Variants in CATSPERB observed in about 807,000 individuals in gnomAD.
CATSPERB encodes the protein cation channel sperm-associated auxiliary subunit beta.
A neutral mutation model predicts 128.3 loss-of-function variants in CATSPERB; 93 were observed. The observed-to-expected ratio is 0.72, with a 90% CI of 0.61 to 0.86. CATSPERB has a LOEUF of 0.86. Among genes scored for constraint, CATSPERB ranks in the 40% least tolerant of loss-of-function variants. The pLI, the probability that CATSPERB is intolerant of heterozygous loss-of-function variation, is 0.00. For synonymous variants in CATSPERB, 381 were observed against 448.8 expected, an observed-to-expected ratio of 0.85 and a Z score of 1.91; for missense variants, 1,153 against 1,329.5, an observed-to-expected ratio of 0.87 and a Z score of 2.06.
rs1384502832 is a variant in CATSPERB at position 91,588,037 on chromosome 14, C to A, written c.2998G>T (p.Val1000Leu). ...ACTGCAGCACCAAGAATTGGTTCTA[C>A]TAATTGTTTCATTCTTTTAATATTT... ...PENIKRMKQLVEPILGAAVYN... is the reference protein window; with the variant it reads ...PENIKRMKQLLEPILGAAVYN... Residue 1000 changes from valine to leucine, a missense_variant, in exon 25 of 27, where the codon GTA (valine) becomes TTA (leucine). Coordinates refer to ENST00000256343, the MANE Select transcript of CATSPERB (RefSeq NM_024764.4). 6.2e-7 allele frequency: 1 copy of A among 1,611,888 alleles called. No homozygotes were observed. Among genetic ancestry groups the A allele is most frequent in the Non-Finnish European group, 8.5e-7 (1 of 1,178,550 alleles).
At chr14:91,670,526 T>A (rs1324121212) in intron 13 of CATSPERB, among the ~76,000 whole-genome samples, 4 of 150,360 alleles carry the variant, frequency 2.7e-5, no homozygotes, top group African/African-American at 4.9e-5. Context: ...AAAAAAAAAA[T>A]TAAAAATTAG....
At chr14:91,639,069 A>T in intron 16 of CATSPERB, 27 bp downstream of exon 16, 2 of 1,592,544 alleles carry the variant, frequency 1.3e-6, no homozygotes, top group East Asian at 2.2e-5. Flanking sequence ...AAATAAGGCA[A>T]ACTGTTTCAA....
At position 91,732,027 on chromosome 14, in the gene CATSPERB, C is replaced by T. The variant is rs1263574604; in HGVS notation, c.-98G>A. 6.6e-6 allele frequency: 1 copy of T among 152,558 alleles called. No homozygotes were observed. The allele number at this position is 152,558 out of a possible 1,614,324, so 9.5% of individuals were successfully genotyped here. Reference sequence around the variant, plus strand: ...GAGAAGAAAGACCCAAAGTCAGGAGCCAAGTTTTCCCTGTTGACTGGCTTA... The same window carrying T: ...GAGAAGAAAGACCCAAAGTCAGGAGTCAAGTTTTCCCTGTTGACTGGCTTA... On this transcript the variant is annotated 5_prime_UTR_variant, in exon 1 of 27. Coordinates refer to ENST00000256343, the MANE Select transcript of CATSPERB (RefSeq NM_024764.4).
intron 15 of CATSPERB, among the ~76,000 whole-genome samples, chr14:91,646,873 C>A (rs148141442): frequency 3.3e-4 from 51 of 152,294 alleles, no homozygotes; most frequent in Non-Finnish European, 6.6e-4. Flanking sequence ...CCCCTAGATA[C>A]TCTTAATCAA....
chr14:91,693,558 C>A, intron 7 of CATSPERB, 79 bp from the exon 8 acceptor site: 1 of 928,740 alleles, frequency 1.1e-6, no homozygotes. Context: ...GCCCAGAGTC[C>A]GTTCCAACTC....
At chr14:91,668,259 C>T (rs1895022422) in intron 14 of CATSPERB, among the ~76,000 whole-genome samples, 1 of 152,164 alleles carries the variant, frequency 6.6e-6, no homozygotes, top group Non-Finnish European at 1.5e-5. Flanking sequence ...AGATTGTAAA[C>T]ACACCAATCC....
In CATSPERB at chr14:91,723,621, G is replaced by A. The variant is rs187407738; in HGVS notation, c.169-432C>T. Among the ~76,000 whole-genome samples the A allele has an allele frequency of 5.2e-3, 789 of 152,266 alleles. 6 individuals are homozygous for A. Among genetic ancestry groups the A allele is most frequent in the African/African-American group, 0.018 (737 of 41,552 alleles). On this transcript the variant is annotated intron_variant, in intron 3 of 26. Coordinates refer to ENST00000256343, the MANE Select transcript of CATSPERB (RefSeq NM_024764.4). ...GGTGGATTTTCCTGAAAACTAACAT[G>A]AGACAGATACCAAGAGCTTTATTTC...
rs943586726 is a variant in CATSPERB, at chr14:91,615,011, A to G, written c.2400+2586T>C. ...TAGCAATTCTGAAACGTACAATACTATATTATTAACTATATTCACCATACT... is the reference window on the plus strand; with the variant it reads ...TAGCAATTCTGAAACGTACAATACTGTATTATTAACTATATTCACCATACT... On this transcript the variant is annotated intron_variant, in intron 20 of 26. Coordinates refer to ENST00000256343, the MANE Select transcript of CATSPERB (RefSeq NM_024764.4). 5.3e-5 allele frequency among the ~76,000 whole-genome samples: 8 copies of G among 152,168 alleles called. No individual in the cohort carries two copies. In the East Asian group the frequency reaches 1.5e-3, roughly 29 times the overall value.
At chr14:91,593,423 C>G (rs982323004) in intron 22 of CATSPERB, among the ~76,000 whole-genome samples, 1 of 152,194 alleles carries the variant, frequency 6.6e-6, no homozygotes, top group Non-Finnish European at 1.5e-5. Flanking sequence ...GGTGGAGCTG[C>G]CCAAAACCAT....
At chr14:91,602,720 G>T (rs1411849447) in intron 22 of CATSPERB, among the ~76,000 whole-genome samples, 1 of 152,090 alleles carries the variant, frequency 6.6e-6, no homozygotes, top group African/African-American at 2.4e-5. Context: ...CAAATGTTCA[G>T]AAGCTGCATC....
chr14:91,692,771 T>C (rs1291635580), intron 9 of CATSPERB, among the ~76,000 whole-genome samples: 17 of 152,340 alleles, frequency 1.1e-4, no homozygotes, highest in Admixed American at 1.1e-3. Context: ...TTTTCACTTA[T>C]GTTACTTTGT....
chr14:91,620,855 G>C (rs569448402), intron 19 of CATSPERB, among the ~76,000 whole-genome samples: 4 of 152,180 alleles, frequency 2.6e-5, no homozygotes, highest in African/African-American at 9.7e-5. Context: ...TTTTCTGTCC[G>C]TGTTTGGCTG....
intron 17 of CATSPERB, among the ~76,000 whole-genome samples, chr14:91,634,383 C>T (rs1218620959): frequency 6.6e-6 from 1 of 151,884 alleles, no homozygotes; most frequent in Non-Finnish European, 1.5e-5. Flanking sequence ...CAGTTCAAAC[C>T]CATGTTGTTC....
At chr14:91,604,453 A>G in intron 22 of CATSPERB, 1 of 1,486,200 alleles carries the variant, frequency 6.7e-7, no homozygotes, top group Non-Finnish European at 9.3e-7. Flanking sequence ...ATAAATCCAC[A>G]GCTTGTGGAG....
At position 91,729,497 on chromosome 14, in the gene CATSPERB, A is replaced by T; in HGVS notation, c.1-18T>A. On this transcript the variant is annotated intron_variant, in intron 1 of 26. Coordinates refer to ENST00000256343, the MANE Select transcript of CATSPERB (RefSeq NM_024764.4). ...GATTCCATCTGTTGGAATAAATAAGAATTATTTTCACTCAATTTCTGAACA... is the reference window on the plus strand; with the variant it reads ...GATTCCATCTGTTGGAATAAATAAGTATTATTTTCACTCAATTTCTGAACA... 4 of 1,333,212 alleles carry T rather than the reference A, an allele frequency of 3.0e-6. No individual in the cohort carries two copies. The highest frequency in any genetic ancestry group is 2.3e-5 in the East Asian group (1 of 43,144). 82.6% of individuals were successfully genotyped at this position (1,333,212 alleles called of 1,614,324 possible).
chr14:91,670,774 TG>T (rs1268865917), intron 13 of CATSPERB, among the ~76,000 whole-genome samples: 1 of 152,236 alleles, frequency 6.6e-6, no homozygotes, highest in African/African-American at 2.4e-5. Flanking sequence ...GGGGCCGAAC[TG>T]GGTGGATCAC....
At chr14:91,645,933 T>C (rs868442609) in intron 15 of CATSPERB, among the ~76,000 whole-genome samples, 13 of 147,806 alleles carry the variant, frequency 8.8e-5, no homozygotes, top group Non-Finnish European at 1.6e-4. Context: ...TAAGCCGGTC[T>C]GAAAAGCGCA....
intron 5 of CATSPERB, among the ~76,000 whole-genome samples, chr14:91,713,399 T>C (rs774741365): frequency 1.3e-5 from 2 of 152,122 alleles, no homozygotes; most frequent in Non-Finnish European, 2.9e-5. Context: ...AATCAAAAGA[T>C]GTCTCTTTGA....
intron 17 of CATSPERB, among the ~76,000 whole-genome samples, chr14:91,629,833 G>A (rs776645710): frequency 6.6e-6 from 1 of 152,150 alleles, no homozygotes; most frequent in African/African-American, 2.4e-5. Context: ...TGTTCCAGAA[G>A]AGGAGAGAAA....
Sources: allele counts gnomAD v4.1 joint callset (sites outside exome capture counted in the v4.1 genomes callset), GRCh38; gene constraint gnomAD v4.1.1; transcripts MANE v1.5; gene names NCBI Gene and HGNC (gene_info 2026-07-23, HGNC 2026-07-21).